Variants in ADAM18 observed in about 807,000 individuals in gnomAD.
ADAM18 encodes ADAM metallopeptidase domain 18, also known as disintegrin and metalloproteinase domain-containing protein 18.
In ADAM18, 117 loss-of-function variants were observed where a neutral mutation model predicts 94.4. The observed-to-expected ratio is 1.24, with a 90% CI of 1.07 to 1.45. The LOEUF (loss-of-function observed/expected upper bound fraction) is 1.45, where lower values mean the gene tolerates loss of function less well. Among genes scored for constraint, ADAM18 ranks in the 40% most tolerant of loss-of-function variants. The probability of loss-of-function intolerance (pLI) is 0.00; values close to 1 mark genes in which losing one functional copy is unlikely to be tolerated. For missense variants in ADAM18, 936 were observed against 880.0 expected, an observed-to-expected ratio of 1.06 and a Z score of -0.81; for synonymous variants, 327 against 291.6, an observed-to-expected ratio of 1.12 and a Z score of -1.24.
chr8:39,624,374 T>C (rs1356457427), intron 6 of ADAM18, among the ~76,000 whole-genome samples: 1 of 152,190 alleles, frequency 6.6e-6, no homozygotes, highest in Non-Finnish European at 1.5e-5. Context: ...CATGTGGCTA[T>C]CCAGTATTCC....
At chr8:39,674,922 C>A (rs1236742413) in intron 14 of ADAM18, among the ~76,000 whole-genome samples, 1 of 152,178 alleles carries the variant, frequency 6.6e-6, no homozygotes, top group Non-Finnish European at 1.5e-5. Context: ...GTTGAAAATT[C>A]TTTTCTTTAA....
rs747432229 is a variant in ADAM18 at position 39,637,702 on chromosome 8, G to C, written c.826G>C (p.Val276Leu). 6.3e-7 allele frequency: 1 copy of C among 1,591,418 alleles called. No homozygotes were observed. Among genetic ancestry groups the C allele is most frequent in the Non-Finnish European group, 8.5e-7 (1 of 1,170,146 alleles). The change falls in exon 9 of 20, where the codon GTT (valine) becomes CTT (leucine). Residue 276 changes from valine (V) to leucine (L), a missense_variant and splice_region_variant. By Grantham distance (32) the Val-to-Leu change is conservative. Transcript: ENST00000265707. The stretch of plus-strand genomic sequence containing the variant: ...GCCCCATGACATAGCATACTTACTT[G>C]TGTAAGCACAATGTTCTACATTAAT... ...LRPHDIAYLLVYRKHPKYVGA... is the reference protein window; with the variant it reads ...LRPHDIAYLLLYRKHPKYVGA...
rs148079872 is a variant in ADAM18, at chr8:39,692,659, C to A, written c.1881C>A (p.Thr627=). The part of the protein sequence containing the change: ...VHLMGYNCNA[T]TKCKGKGICN... ...TAATGGGATATAACTGTAATGCCACCACAAAATGCAAAGGGAAAGGGGTAA... is the reference window on the plus strand; with the variant it reads ...TAATGGGATATAACTGTAATGCCACAACAAAATGCAAAGGGAAAGGGGTAA... The change falls in exon 17 of 20, where the codon ACC becomes ACA. Residue 627 remains threonine, a synonymous_variant. Coordinates refer to ENST00000265707, the MANE Select transcript of ADAM18 (RefSeq NM_014237.3). 8.4e-5 allele frequency: 135 copies of A among 1,603,012 alleles called. No homozygotes were observed. In the African/African-American group the frequency reaches 1.5e-3, roughly 17 times the overall value.
chr8:39,657,443 C>T (rs1820719206), intron 12 of ADAM18, among the ~76,000 whole-genome samples: 1 of 152,084 alleles, frequency 6.6e-6, no homozygotes. Flanking sequence ...TCCCGAGTAG[C>T]CAGGATTACA....
intron 17 of ADAM18, among the ~76,000 whole-genome samples, chr8:39,704,367 G>C (rs995779232): frequency 2.0e-5 from 3 of 152,086 alleles, no homozygotes; most frequent in Admixed American, 6.6e-5. Context: ...ACCACAATCA[G>C]ATAGTCTTCA....
intron 10 of ADAM18, among the ~76,000 whole-genome samples, chr8:39,642,953 A>AT (rs1331013296): frequency 6.6e-6 from 1 of 151,906 alleles, no homozygotes; most frequent in Admixed American, 6.6e-5. Flanking sequence ...ATCATCTCTG[A>AT]TTTTTTTGAA....
intron 19 of ADAM18, among the ~76,000 whole-genome samples, chr8:39,724,563 A>G (rs959213370): frequency 2.6e-5 from 4 of 151,750 alleles, no homozygotes; most frequent in Admixed American, 2.6e-4. Flanking sequence ...GTATTTCATT[A>G]ATTACAGGTT....
At chr8:39,672,282 T>C (rs1020628694) in intron 14 of ADAM18, among the ~76,000 whole-genome samples, 1 of 152,158 alleles carries the variant, frequency 6.6e-6, no homozygotes, top group African/African-American at 2.4e-5. Context: ...ATTTCAAAGA[T>C]GGCTTCCTCT....
At chr8:39,693,549 A>G (rs1328846338) in intron 17 of ADAM18, among the ~76,000 whole-genome samples, 3 of 151,276 alleles carry the variant, frequency 2.0e-5, no homozygotes, top group Non-Finnish European at 4.5e-5. Context: ...ATAACTTTAT[A>G]CATATCTGAT....
chr8:39,645,342 C>G lies in ADAM18; in HGVS notation c.914C>G (p.Pro305Arg). 6.2e-7 allele frequency: 1 copy of G among 1,603,688 alleles called. No individual in the cohort carries two copies. Among genetic ancestry groups the G allele is most frequent in the Non-Finnish European group, 8.5e-7 (1 of 1,176,012 alleles). The change falls in exon 11 of 20, where the codon CCA (proline) becomes CGA (arginine). Residue 305 changes from proline (P) to arginine (R), a missense_variant. Transcript: ENST00000265707. Reference protein sequence around the residue: ...KSYDAGIAMYPDAIGLEGFSV... With the variant: ...KSYDAGIAMYRDAIGLEGFSV... ...TTTTCATGTCTTTTATTTTAGTATC[C>G]AGATGCAATAGGTTTGGAGGGATTT...
At chr8:39,674,925 T>C (rs1027544432) in intron 14 of ADAM18, among the ~76,000 whole-genome samples, 1 of 152,218 alleles carries the variant, frequency 6.6e-6, no homozygotes, top group Admixed American at 6.5e-5. Context: ...GAAAATTCTT[T>C]TCTTTAAGAA....
At chr8:39,644,831 C>G (rs182283880) in intron 10 of ADAM18, among the ~76,000 whole-genome samples, 1 of 152,080 alleles carries the variant, frequency 6.6e-6, no homozygotes, top group Non-Finnish European at 1.5e-5. Context: ...TATTGGAGTA[C>G]TTTATTTTCT....
intron 14 of ADAM18, among the ~76,000 whole-genome samples, chr8:39,668,862 G>A (rs1821067977): frequency 6.6e-6 from 1 of 152,086 alleles, no homozygotes; most frequent in Admixed American, 6.6e-5. Context: ...TATTTGCCCA[G>A]TGGTAAGCTC....
chr8:39,671,690 A>T (rs1376731213), intron 14 of ADAM18, among the ~76,000 whole-genome samples: 1 of 152,104 alleles, frequency 6.6e-6, no homozygotes, highest in Non-Finnish European at 1.5e-5. Context: ...CTTAGATCTG[A>T]TTCCTCCCCC....
At chr8:39,641,039 T>A (rs980190982) in intron 10 of ADAM18, among the ~76,000 whole-genome samples, 3 of 152,034 alleles carry the variant, frequency 2.0e-5, no homozygotes, top group Admixed American at 2.0e-4. Flanking sequence ...CAATTTTTGG[T>A]TTTGTTGCAA....
chr8:39,674,825 C>CA (rs760434722), intron 14 of ADAM18, among the ~76,000 whole-genome samples: 1 of 152,168 alleles, frequency 6.6e-6, no homozygotes, highest in Non-Finnish European at 1.5e-5. Flanking sequence ...CTGGTGGAGA[C>CA]AAAATCTCTC....
At chr8:39,653,304 G>A (rs1820589919) in intron 12 of ADAM18, among the ~76,000 whole-genome samples, 1 of 151,708 alleles carries the variant, frequency 6.6e-6, no homozygotes, top group Non-Finnish European at 1.5e-5. Flanking sequence ...TTTAAAAAAT[G>A]TATTTTTAAA....
At position 39,663,858 on chromosome 8, in the gene ADAM18, G is replaced by A. The variant is rs952113605; in HGVS notation, c.1294G>A (p.Gly432Ser). 3.1e-6 allele frequency: 5 copies of A among 1,611,764 alleles called. No homozygotes were observed. The highest frequency in any genetic ancestry group is 3.4e-6 in the Non-Finnish European group (4 of 1,179,486). The change falls in exon 13 of 20, where the codon GGT becomes AGT. Residue 432 changes from glycine to serine, a missense_variant. By Grantham distance (56) the Gly-to-Ser change is moderately conservative. Coordinates refer to ENST00000265707, the MANE Select transcript of ADAM18 (RefSeq NM_014237.3). ...TCKLKGSVKC[G>S]SGPCCTSKCE... ...TAAACTGAAGGGCTCAGTAAAATGTGGTTCTGGACCATGTTGTACATCAAA... is the reference window on the plus strand; with the variant it reads ...TAAACTGAAGGGCTCAGTAAAATGTAGTTCTGGACCATGTTGTACATCAAA...
At chr8:39,597,501 C>A (rs1480359690) in intron 2 of ADAM18, among the ~76,000 whole-genome samples, 1 of 152,134 alleles carries the variant, frequency 6.6e-6, no homozygotes, top group Admixed American at 6.5e-5. Context: ...GTTTGGATAT[C>A]CAGTTGTCCC....
Sources: gnomAD v4.1 joint callset for allele counts (sites outside exome capture counted in the v4.1 genomes callset) on GRCh38, gnomAD v4.1.1 for gene constraint, MANE v1.5 for transcripts, NCBI Gene and HGNC (gene_info 2026-07-23, HGNC 2026-07-21) for gene names.